ARID1B: variants seen among roughly 807,000 people sequenced by gnomAD.
ARID1B encodes the protein AT-rich interactive domain-containing protein 1B.
ARID1B carries 30 observed loss-of-function variants against 212.3 expected under a neutral mutation model. The ratio of observed to expected loss-of-function variants is 0.14; its 90% CI spans 0.11 to 0.19. ARID1B has a LOEUF of 0.19. ARID1B is among the 10% of genes least tolerant of loss of function. The pLI, the probability that ARID1B is intolerant of heterozygous loss-of-function variation, is 1.00. For missense variants in ARID1B, 2,891 were observed against 3,204.0 expected (o/e 0.90, Z 2.36); for synonymous variants, 1,402 against 1,301.7 (o/e 1.08, Z -1.66).
intron 4 of ARID1B, among the ~76,000 whole-genome samples, chr6:156,983,339 G>A (rs1440838976): frequency 6.6e-6 from 1 of 152,158 alleles, no homozygotes; most frequent in Non-Finnish European, 1.5e-5. Flanking sequence ...AGGTTGCAGT[G>A]AGCCGAGATT....
chr6:157,039,799 T>C, intron 4 of ARID1B, among the ~76,000 whole-genome samples: 1 of 141,982 alleles, frequency 7.0e-6, no homozygotes, highest in Non-Finnish European at 1.5e-5. Flanking sequence ...CTTCCTTCTT[T>C]CTTTCTCTTT....
chr6:156,900,956 A>G (rs1229599838), intron 2 of ARID1B, among the ~76,000 whole-genome samples: 1 of 152,234 alleles, frequency 6.6e-6, no homozygotes, highest in Non-Finnish European at 1.5e-5. Context: ...TACACAAGAA[A>G]GCACCCAAAC....
chr6:157,082,033 G>GTACT (rs1784661833), intron 4 of ARID1B, among the ~76,000 whole-genome samples: 1 of 151,966 alleles, frequency 6.6e-6, no homozygotes, highest in Non-Finnish European at 1.5e-5. Context: ...GTACTGTCAG[G>GTACT]GCCTGGATAT....
At chr6:157,024,600 TAAAA>T (rs952886378) in intron 4 of ARID1B, 1 of 151,978 alleles carries the variant, frequency 6.6e-6, no homozygotes, top group Non-Finnish European at 1.5e-5. Context: ...CATCTCTACT[TAAAA>T]AACAAAACAA....
chr6:156,990,618 C>A (rs745913379), intron 4 of ARID1B, among the ~76,000 whole-genome samples: 1 of 152,018 alleles, frequency 6.6e-6, no homozygotes, highest in Admixed American at 6.6e-5. Context: ...TCCAGCCTGG[C>A]GACAGAGCAA....
intron 6 of ARID1B, among the ~76,000 whole-genome samples, chr6:157,129,739 G>A (rs73584074): frequency 1.6e-3 from 238 of 152,306 alleles, no homozygotes; most frequent in African/African-American, 5.6e-3. Flanking sequence ...GATAGTTCAA[G>A]TGGAACACTA....
intron 1 of ARID1B, among the ~76,000 whole-genome samples, chr6:156,826,195 C>G (rs1562414943): frequency 6.6e-6 from 1 of 152,126 alleles, no homozygotes; most frequent in Non-Finnish European, 1.5e-5. Flanking sequence ...GGCAAAGCAC[C>G]CTCTTTCCTC....
intron 4 of ARID1B, 41 bp from the exon 5 acceptor site, chr6:157,084,621 C>T (rs1784844709): frequency 6.3e-7 from 1 of 1,593,274 alleles, no homozygotes; most frequent in Admixed American, 1.7e-5. Flanking sequence ...AGATATTCAT[C>T]CAAACGTGTC....
chr6:157,046,280 T>C (rs1003884704), intron 4 of ARID1B, among the ~76,000 whole-genome samples: 2 of 152,190 alleles, frequency 1.3e-5, no homozygotes, highest in South Asian at 2.1e-4. Flanking sequence ...CCAAAACATA[T>C]GCAGTGAAGA....
At chr6:157,011,005 C>CT (rs1329064328) in intron 4 of ARID1B, among the ~76,000 whole-genome samples, 7 of 152,112 alleles carry the variant, frequency 4.6e-5, no homozygotes, top group Admixed American at 6.5e-5. Flanking sequence ...CATAGTTTTT[C>CT]TTTTTTTCCT....
chr6:157,033,161 A>G (rs1781119160), intron 4 of ARID1B, among the ~76,000 whole-genome samples: 1 of 152,128 alleles, frequency 6.6e-6, no homozygotes, highest in Non-Finnish European at 1.5e-5. Context: ...TGCCAATTGT[A>G]TTTTATTCCA....
At position 157,206,687 on chromosome 6, in the gene ARID1B, C is replaced by T. The variant is rs202194222; in HGVS notation, c.5915C>T (p.Pro1972Leu). The T allele has an allele frequency of 3.2e-5, 51 of 1,612,736 alleles. No homozygotes were observed. The highest frequency in any genetic ancestry group is 1.6e-4 in the Middle Eastern group (1 of 6,084). Residue 1972 changes from proline to leucine, a missense_variant, in exon 20 of 20, where the codon CCC becomes CTC. Transcript: ENST00000636930. The surrounding 1 kb of genome is among the most constrained non-coding windows in gnomAD (Gnocchi z 6.8). Reference protein sequence around the residue: ...EIPPRRRPPPPLSSAGRKKEQ... With the variant: ...EIPPRRRPPPLLSSAGRKKEQ... Reference sequence around the variant, plus strand: ...CCTCCTCGCAGGCGCCCACCTCCCCCCTTAAGCTCCGCAGGTAGAAAGAAA... The same window carrying T: ...CCTCCTCGCAGGCGCCCACCTCCCCTCTTAAGCTCCGCAGGTAGAAAGAAA...
chr6:157,096,868 CTTAT>C (rs1303788535), intron 5 of ARID1B, among the ~76,000 whole-genome samples: 1 of 152,226 alleles, frequency 6.6e-6, no homozygotes, highest in East Asian at 1.9e-4. Context: ...TGAAAAAGCA[CTTAT>C]TTAAACACCC....
intron 4 of ARID1B, among the ~76,000 whole-genome samples, chr6:156,996,289 C>T (rs1778587185): frequency 6.6e-6 from 1 of 152,166 alleles, no homozygotes; most frequent in African/African-American, 2.4e-5. Flanking sequence ...ATTTCTTTTC[C>T]TGCAGCGAGG....
Position 157,004,890 on chromosome 6 carries a change from C to CTTTTTTGTTTTTTTTTTTTT in ARID1B, c.2247+69320_2247+69321insGTTTTTTTTTTTTTTTTTTT, listed in dbSNP as rs1779118895. Among the ~76,000 whole-genome samples, 16 of 35,682 alleles carry CTTTTTTGTTTTTTTTTTTTT rather than the reference C, an allele frequency of 4.5e-4. 1 individual carries two copies. The highest frequency in any genetic ancestry group is 1.1e-3 in the Admixed American group (3 of 2,854). The allele number at this position is 35,682 out of a possible 152,430, so 23.4% of individuals were successfully genotyped here. A position where few individuals can be genotyped will look rare whatever the true frequency, so the allele number is the denominator to read the frequency against. The stretch of plus-strand genomic sequence containing the variant: ...GCATTTCTTTTTTCTTTTTCTTCTT[C>CTTTTTTGTTTTTTTTTTTTT]TTTTTTCTTTTTTTTTTTTTTTTTT... On this transcript the variant is annotated intron_variant, in intron 4 of 19. Transcript: ENST00000636930.
At chr6:157,054,203 C>T (rs1782787649) in intron 4 of ARID1B, among the ~76,000 whole-genome samples, 1 of 147,976 alleles carries the variant, frequency 6.8e-6, no homozygotes, top group Non-Finnish European at 1.5e-5. Context: ...CAGCCTGGGC[C>T]ACAGAGCAAG....
chr6:157,068,541 C>G (rs1783821604), intron 4 of ARID1B, among the ~76,000 whole-genome samples: 1 of 152,202 alleles, frequency 6.6e-6, no homozygotes, highest in Non-Finnish European at 1.5e-5. Flanking sequence ...AACAAGAGAT[C>G]TATTTTAAGT....
chr6:157,202,001 C>T (rs1794147642), intron 18 of ARID1B, among the ~76,000 whole-genome samples: 1 of 152,158 alleles, frequency 6.6e-6, no homozygotes, highest in African/African-American at 2.4e-5. Flanking sequence ...TGAAGGCAAG[C>T]CACTCTGTAA....
At chr6:157,102,124 C>T (rs538626430) in intron 5 of ARID1B, among the ~76,000 whole-genome samples, 29 of 152,182 alleles carry the variant, frequency 1.9e-4, no homozygotes, top group African/African-American at 5.5e-4. Flanking sequence ...TGTTCTTTTT[C>T]TATAGTTGTA....
Sources: gnomAD v4.1 joint callset for allele counts (sites outside exome capture counted in the v4.1 genomes callset) on GRCh38, gnomAD v4.1.1 for gene constraint, Gnocchi (gnomAD v3.1) non-coding constraint, MANE v1.5 for transcripts, NCBI Gene and HGNC (gene_info 2026-07-23, HGNC 2026-07-21) for gene names.